FRAS1: variants seen among roughly 807,000 people sequenced by gnomAD.
FRAS1 encodes the protein Fraser extracellular matrix complex subunit 1.
A neutral mutation model predicts 435.2 loss-of-function variants in FRAS1; 290 were observed. The ratio of observed to expected loss-of-function variants is 0.67; its 90% CI spans 0.61 to 0.73. The LOEUF is 0.73. Among genes scored for constraint, FRAS1 ranks in the 30% least tolerant of loss-of-function variants. The pLI is 0.00. For synonymous variants in FRAS1, 1,800 were observed against 1,851.0 expected (o/e 0.97, Z 0.71); for missense variants, 4,860 against 5,001.5 (o/e 0.97, Z 0.85).
intron 2 of FRAS1, chr4:78,068,528 T>G (rs1367761615): frequency 2.2e-6 from 1 of 456,170 alleles, no homozygotes; most frequent in Non-Finnish European, 4.4e-6. Context: ...GTGAGCCTTG[T>G]GCAGACTTTA....
Position 78,286,517 on chromosome 4 carries a change from C to A in FRAS1, c.1512C>A (p.Tyr504Ter). Reference sequence around the variant, plus strand: ...TGCCTACCTGTGGGGACGGCTTCTACCAAGATCGCCATTCCTGTGCAGGTA... The same window carrying A: ...TGCCTACCTGTGGGGACGGCTTCTAACAAGATCGCCATTCCTGTGCAGGTA... The part of the protein sequence containing the change: ...QCVPTCGDGF[Y>*]QDRHSCAVCH... Residue 504 changes from tyrosine to a stop codon, truncating the protein, a stop_gained, in exon 14 of 74, where the codon TAC becomes TAA. Transcript: ENST00000512123. LOFTEE classifies it high-confidence loss of function. The A allele has an allele frequency of 1.2e-6, 2 of 1,613,054 alleles. No homozygotes were observed. Among genetic ancestry groups the A allele is most frequent in the South Asian group, 1.1e-5 (1 of 91,052 alleles).
At chr4:78,537,678 C>T (rs1431520711) in intron 72 of FRAS1, among the ~76,000 whole-genome samples, 1 of 152,150 alleles carries the variant, frequency 6.6e-6, no homozygotes, top group Non-Finnish European at 1.5e-5. Context: ...CGTGGTGGCT[C>T]ATGCCTGTAA....
At chr4:78,356,156 T>A (rs957830958) in intron 20 of FRAS1, among the ~76,000 whole-genome samples, 3 of 152,180 alleles carry the variant, frequency 2.0e-5, no homozygotes, top group Admixed American at 6.5e-5. Context: ...ACGGGGGTAG[T>A]TCTGTCTCTT....
intron 70 of FRAS1, among the ~76,000 whole-genome samples, chr4:78,531,474 GT>G (rs1419982941): frequency 6.6e-6 from 1 of 152,144 alleles, no homozygotes; most frequent in Non-Finnish European, 1.5e-5. Flanking sequence ...TTGGCTATGG[GT>G]TTGTCATAAA....
chr4:78,089,271 G>T (rs558276625), intron 2 of FRAS1, among the ~76,000 whole-genome samples: 1 of 138,650 alleles, frequency 7.2e-6, no homozygotes, highest in Admixed American at 7.5e-5. Context: ...ACACACTGGG[G>T]CCTGTTGTGT....
At chr4:78,486,944 A>T (rs1399180220) in intron 58 of FRAS1, among the ~76,000 whole-genome samples, 1 of 151,648 alleles carries the variant, frequency 6.6e-6, no homozygotes, top group Non-Finnish European at 1.5e-5. Flanking sequence ...TGATTAATGC[A>T]TGACCAAACC....
chr4:78,318,628 C>T (rs1354622366), intron 17 of FRAS1, among the ~76,000 whole-genome samples, 182 bp from the exon 18 acceptor site: 1 of 152,190 alleles, frequency 6.6e-6, no homozygotes, highest in Admixed American at 6.5e-5. Context: ...TGGTTAACAC[C>T]ACCCCTCACT....
intron 72 of FRAS1, 94 bp from the exon 73 acceptor site, chr4:78,539,200 G>A (rs1721974823): frequency 1.6e-6 from 2 of 1,229,650 alleles, no homozygotes; most frequent in East Asian, 2.4e-5. Flanking sequence ...AAAGCCAGGA[G>A]TGATGAGTAC....
intron 30 of FRAS1, among the ~76,000 whole-genome samples, chr4:78,405,833 A>G (rs1310782777): frequency 1.3e-5 from 2 of 152,214 alleles, no homozygotes; most frequent in South Asian, 2.1e-4. Flanking sequence ...TCATGAGAAT[A>G]TAGCTTCTGC....
intron 2 of FRAS1, among the ~76,000 whole-genome samples, chr4:78,074,402 C>A (rs1241017647): frequency 1.3e-5 from 2 of 151,968 alleles, no homozygotes; most frequent in African/African-American, 4.8e-5. Context: ...TAAAAAGAAG[C>A]CTTTCCCTCT....
At chr4:78,161,502 A>G (rs574082397) in intron 2 of FRAS1, among the ~76,000 whole-genome samples, 1 of 152,200 alleles carries the variant, frequency 6.6e-6, no homozygotes, top group East Asian at 1.9e-4. Flanking sequence ...AAATGGAATA[A>G]TCTAGACAGG....
At chr4:78,398,392 A>G (rs1442789471) in intron 29 of FRAS1, among the ~76,000 whole-genome samples, 1 of 152,228 alleles carries the variant, frequency 6.6e-6, no homozygotes, top group Non-Finnish European at 1.5e-5. Context: ...GAATCTGAAC[A>G]TCTTAATGAG....
intron 69 of FRAS1, among the ~76,000 whole-genome samples, chr4:78,523,491 A>G (rs565516565): frequency 1.3e-5 from 2 of 151,854 alleles, no homozygotes; most frequent in African/African-American, 2.4e-5. Flanking sequence ...GGAAGAATGG[A>G]AAAAAAAATT....
intron 2 of FRAS1, among the ~76,000 whole-genome samples, chr4:78,078,416 T>A (rs1470985483): frequency 6.6e-6 from 1 of 152,188 alleles, no homozygotes; most frequent in Non-Finnish European, 1.5e-5. Context: ...AGTTAGTATA[T>A]TCTCTGACTG....
At position 78,282,846 on chromosome 4, in the gene FRAS1, T is replaced by G. The variant is rs1269583947; in HGVS notation, c.1134T>G (p.Pro378=). 6.2e-7 allele frequency: 1 copy of G among 1,613,308 alleles called. No individual in the cohort carries two copies. Residue 378 remains proline (P), a synonymous_variant, in exon 12 of 74, where the codon CCT becomes CCG. Coordinates refer to ENST00000512123, the MANE Select transcript of FRAS1 (RefSeq NM_025074.7). ...AGGGAGAGAAGTGGGAAGATGGCCC[T>G]TGCAAGGTGTGTGAGTGCCGAGGGG... ...IPEGEKWEDG[P]CKVCECRGAQ...
At chr4:78,164,779 T>A (rs1721271372) in intron 2 of FRAS1, among the ~76,000 whole-genome samples, 2 of 152,194 alleles carry the variant, frequency 1.3e-5, no homozygotes, top group South Asian at 4.1e-4. Flanking sequence ...TGAACGTCCT[T>A]TAAAAAGTAA....
chr4:78,192,101 T>A (rs1014622673), intron 2 of FRAS1, among the ~76,000 whole-genome samples: 1 of 152,236 alleles, frequency 6.6e-6, no homozygotes, highest in Non-Finnish European at 1.5e-5. Context: ...TTTCGTATGT[T>A]GAACCAGCCT....
intron 2 of FRAS1, among the ~76,000 whole-genome samples, chr4:78,093,356 G>A (rs1205528645): frequency 1.3e-5 from 2 of 152,208 alleles, no homozygotes; most frequent in African/African-American, 2.4e-5. Flanking sequence ...AGCTAAGATA[G>A]AAAGTGCTAA....
chr4:78,252,341 G>A (rs969909185), intron 4 of FRAS1, 51 bp from the exon 5 acceptor site: 5 of 1,554,422 alleles, frequency 3.2e-6, no homozygotes, highest in Non-Finnish European at 4.4e-6. Context: ...CTGAATGAAA[G>A]CCTGTGTTTT....
Sources: gnomAD v4.1 joint callset for allele counts (sites outside exome capture counted in the v4.1 genomes callset) on GRCh38, gnomAD v4.1.1 for gene constraint, MANE v1.5 for transcripts, NCBI Gene and HGNC (gene_info 2026-07-23, HGNC 2026-07-21) for gene names.